The following UBE3D variants were observed in gnomAD, a reference collection of about 807,000 sequenced individuals.
The protein encoded by UBE3D is ubiquitin protein ligase E3D.
UBE3D carries 48 observed loss-of-function variants against 49.6 expected under a neutral mutation model. That is an observed-to-expected ratio of 0.97 (90% confidence interval 0.77 to 1.23). The LOEUF (loss-of-function observed/expected upper bound fraction) is 1.23. Among genes scored for constraint, UBE3D ranks in the 50% most tolerant of loss-of-function variants. The pLI, the probability that UBE3D is intolerant of heterozygous loss-of-function variation, is 0.00. For missense variants in UBE3D, 452 were observed against 468.4 expected (o/e 0.96, Z 0.32); for synonymous variants, 189 against 174.2 (o/e 1.08, Z -0.67).
chr6:83,034,310 G>A (rs73752504), intron 5 of UBE3D, among the ~76,000 whole-genome samples: 6,200 of 152,184 alleles, frequency 0.041, 223 homozygotes, highest in African/African-American at 0.095. Context: ...AATATTCAGT[G>A]TTTACATTAT....
intron 8 of UBE3D, among the ~76,000 whole-genome samples, chr6:82,979,865 T>C (rs1431067153): frequency 6.6e-6 from 1 of 152,132 alleles, no homozygotes; most frequent in African/African-American, 2.4e-5. Flanking sequence ...TGTTTCTCAG[T>C]TGTCTCACTC....
chr6:83,021,148 G>A (rs1307940691), intron 7 of UBE3D, among the ~76,000 whole-genome samples: 3 of 152,162 alleles, frequency 2.0e-5, no homozygotes, highest in African/African-American at 7.2e-5. Flanking sequence ...AACAGAAGAA[G>A]GCCAGGCATG....
At chr6:83,041,630 C>T (rs1782677180) in intron 4 of UBE3D, among the ~76,000 whole-genome samples, 1 of 152,122 alleles carries the variant, frequency 6.6e-6, no homozygotes, top group Non-Finnish European at 1.5e-5. Flanking sequence ...ATTCACAATA[C>T]TATTCTTCTT....
rs1449295934 is a variant in UBE3D at position 82,923,688 on chromosome 6, A to G, written c.1150-30646T>C. On this transcript the variant is annotated intron_variant, in intron 9 of 9. Coordinates refer to ENST00000369747, the MANE Select transcript of UBE3D (RefSeq NM_198920.3). ...ATGTAACAAAATGCACGTTCTGCAC[A>G]TGTAACCCAGAACTAAAAGTATAAT... Among the ~76,000 whole-genome samples, 3 of 152,360 alleles carry G rather than the reference A, an allele frequency of 2.0e-5. No individual in the cohort carries two copies. In the East Asian group the frequency reaches 5.8e-4, roughly 29 times the overall value.
At chr6:82,988,294 A>T (rs1778659167) in intron 8 of UBE3D, among the ~76,000 whole-genome samples, 1 of 152,192 alleles carries the variant, frequency 6.6e-6, no homozygotes, top group South Asian at 2.1e-4. Context: ...AAGTTTTATT[A>T]AAAATGGGAG....
intron 8 of UBE3D, among the ~76,000 whole-genome samples, chr6:82,961,860 G>C (rs980349530): frequency 6.6e-6 from 1 of 151,956 alleles, no homozygotes; most frequent in African/African-American, 2.4e-5. Context: ...TACTCGGGAG[G>C]CTGAGGCAGG....
Position 83,065,634 on chromosome 6 carries a change from G to C in UBE3D, c.77+8C>G, listed in dbSNP as rs1241951838. 3.1e-6 allele frequency: 5 copies of C among 1,613,852 alleles called. No individual in the cohort carries two copies. The South Asian group carries it at 5.5e-5, about 18-fold the overall frequency. On this transcript the variant is annotated splice_region_variant and intron_variant, in intron 1 of 9. Coordinates refer to ENST00000369747, the MANE Select transcript of UBE3D (RefSeq NM_198920.3). ...GCTGGGCACTGCGCCTAGAATCCCAGTTCTTACCCCAGGATCAGAAGCGCG... is the reference window on the plus strand; with the variant it reads ...GCTGGGCACTGCGCCTAGAATCCCACTTCTTACCCCAGGATCAGAAGCGCG...
chr6:83,050,225 T>A (rs1783378312), intron 3 of UBE3D, among the ~76,000 whole-genome samples: 1 of 142,604 alleles, frequency 7.0e-6, no homozygotes, highest in African/African-American at 2.6e-5. Context: ...TATAATTAAT[T>A]TGACAAGAAC....
chr6:82,887,316 G>C, the UBE3D span, among the ~76,000 whole-genome samples: 3 of 107,628 alleles, frequency 2.8e-5, no homozygotes, highest in Admixed American at 2.3e-4. Context: ...GAGCAAGACT[G>C]TCTCAAAAAA....
intron 1 of UBE3D, among the ~76,000 whole-genome samples, chr6:83,064,712 A>T (rs1280017010): frequency 6.6e-6 from 1 of 152,206 alleles, no homozygotes; most frequent in African/African-American, 2.4e-5. Context: ...AGAAAAAGAA[A>T]TACATTCAGA....
At chr6:82,913,020 T>A (rs1298668746) in intron 9 of UBE3D, among the ~76,000 whole-genome samples, 1 of 152,242 alleles carries the variant, frequency 6.6e-6, no homozygotes, top group Non-Finnish European at 1.5e-5. Flanking sequence ...TTTACAGGAC[T>A]GTTTCACTAG....
At chr6:82,896,974 T>C (rs159051) in intron 9 of UBE3D, among the ~76,000 whole-genome samples, 61,268 of 151,540 alleles carry the variant, frequency 0.4, 16,345 homozygotes, top group African/African-American at 0.75. Flanking sequence ...CTCCTGACCT[T>C]GTGATCCACC....
chr6:82,994,238 A>C (rs1213115043), intron 8 of UBE3D, among the ~76,000 whole-genome samples: 1 of 152,312 alleles, frequency 6.6e-6, no homozygotes, highest in African/African-American at 2.4e-5. Context: ...TAAAAACACC[A>C]ATTTATATAT....
chr6:82,983,595 C>A (rs909443844), intron 8 of UBE3D, among the ~76,000 whole-genome samples: 3 of 151,880 alleles, frequency 2.0e-5, no homozygotes, highest in South Asian at 2.1e-4. Flanking sequence ...TATTTCTATT[C>A]CAAATCCAGG....
At chr6:82,900,151 C>A (rs1194210378) in intron 9 of UBE3D, among the ~76,000 whole-genome samples, 2 of 152,176 alleles carry the variant, frequency 1.3e-5, no homozygotes, top group African/African-American at 4.8e-5. Context: ...TTGAAAATCA[C>A]CACTGTGCTG....
chr6:83,010,079 G>A (rs779158194), intron 8 of UBE3D, among the ~76,000 whole-genome samples: 20 of 151,918 alleles, frequency 1.3e-4, no homozygotes, highest in Non-Finnish European at 2.8e-4. Context: ...GGAGCAAGAA[G>A]ACAAACATGA....
chr6:82,991,899 A>G (rs1778909975), intron 8 of UBE3D, among the ~76,000 whole-genome samples: 1 of 152,150 alleles, frequency 6.6e-6, no homozygotes, highest in Non-Finnish European at 1.5e-5. Context: ...ACACATAATC[A>G]ATAAGGTCAT....
chr6:83,033,118 G>A (rs1781997791), intron 5 of UBE3D, among the ~76,000 whole-genome samples: 2 of 152,206 alleles, frequency 1.3e-5, no homozygotes, highest in Admixed American at 6.5e-5. Context: ...ATGGTGGCAG[G>A]CAAAGAAGGA....
rs533792098 is a variant in UBE3D at position 83,026,922 on chromosome 6, C to T, written c.668-2884G>A. Among the ~76,000 whole-genome samples the T allele has an allele frequency of 7.2e-5, 11 of 152,172 alleles. 1 individual carries two copies. The highest frequency in any genetic ancestry group is 3.9e-4 in the East Asian group (2 of 5,186). On this transcript the variant is annotated intron_variant, in intron 5 of 9. Coordinates refer to ENST00000369747, the MANE Select transcript of UBE3D (RefSeq NM_198920.3). ...CGGTCTCAAGGGATCCTCTCATCTCCGCCTCCCAAAGCAGAAGTGACCCTT... is the reference window on the plus strand; with the variant it reads ...CGGTCTCAAGGGATCCTCTCATCTCTGCCTCCCAAAGCAGAAGTGACCCTT...
Sources: allele counts gnomAD v4.1 joint callset (sites outside exome capture counted in the v4.1 genomes callset), GRCh38; gene constraint gnomAD v4.1.1; transcripts MANE v1.5; gene names NCBI Gene and HGNC (gene_info 2026-07-23, HGNC 2026-07-21).